The following PLXDC2 variants were observed in gnomAD, a reference collection of about 807,000 sequenced individuals.
The protein encoded by PLXDC2 is plexin domain-containing protein 2.
Under a neutral mutation model 68.9 loss-of-function variants are expected in PLXDC2, and 40 were observed. The observed-to-expected ratio is 0.58, with a 90% CI of 0.45 to 0.76. The LOEUF is 0.76. Ranked by LOEUF, PLXDC2 falls within the 30% of genes least tolerant of loss-of-function variation. The pLI is 0.00. For missense variants in PLXDC2, 644 were observed against 661.9 expected, an observed-to-expected ratio of 0.97 and a Z score of 0.30; for synonymous variants, 243 against 234.2, an observed-to-expected ratio of 1.04 and a Z score of -0.34.
intron 4 of PLXDC2, among the ~76,000 whole-genome samples, chr10:20,087,329 A>T (rs1469635444): frequency 6.6e-6 from 1 of 152,250 alleles, no homozygotes; most frequent in Non-Finnish European, 1.5e-5. Context: ...TTGAGGATCT[A>T]CCTGTAACTC....
Position 19,817,002 on chromosome 10 carries a change from G to T in PLXDC2, c.-78G>T, listed in dbSNP as rs1417670716. On this transcript the variant is annotated 5_prime_UTR_variant, in exon 1 of 14. Coordinates refer to ENST00000377252, the MANE Select transcript of PLXDC2 (RefSeq NM_032812.9). ...GAGACCGATCCGCAGCGTTTGGCCC[G>T]GTCGTGCCTATTGCATCGGGAGCCC... 2.8e-6 allele frequency: 3 copies of T among 1,080,626 alleles called. No individual in the cohort carries two copies. The highest frequency in any genetic ancestry group is 1.6e-5 in the African/African-American group (1 of 64,110). The allele number at this position is 1,080,626 out of a possible 1,614,324, so 66.9% of individuals were successfully genotyped here. A position where few individuals can be genotyped will look rare whatever the true frequency, so the allele number is the denominator to read the frequency against.
rs547357756 is a variant in PLXDC2, at chr10:20,119,327, G to A, written c.542-23968G>A. ...AGTCAGCGAAGGGAGATAGGGGTGG[G>A]GCCGTTTTATAAGATTTGGGTAGGT... On this transcript the variant is annotated intron_variant, in intron 4 of 13. Transcript: ENST00000377252. 1.6e-4 allele frequency among the ~76,000 whole-genome samples: 24 copies of A among 152,022 alleles called. No homozygotes were observed. In the South Asian group the frequency reaches 4.2e-3, roughly 26 times the overall value.
chr10:19,836,317 T>A (rs994484284), intron 1 of PLXDC2, among the ~76,000 whole-genome samples: 2 of 152,128 alleles, frequency 1.3e-5, no homozygotes, highest in Non-Finnish European at 2.9e-5. Flanking sequence ...AGACAATCAG[T>A]AGGTGCATAA....
chr10:19,856,398 A>T (rs1299498458), intron 1 of PLXDC2, among the ~76,000 whole-genome samples: 1 of 151,634 alleles, frequency 6.6e-6, no homozygotes, highest in Non-Finnish European at 1.5e-5. Flanking sequence ...ACACACACAC[A>T]CACACACACA....
At chr10:19,978,493 C>A (rs943978836) in intron 1 of PLXDC2, among the ~76,000 whole-genome samples, 1 of 152,060 alleles carries the variant, frequency 6.6e-6, no homozygotes, top group East Asian at 1.9e-4. Flanking sequence ...ATATTCTATA[C>A]AATCTTTTTT....
At chr10:19,983,315 T>C (rs1312236793) in intron 1 of PLXDC2, among the ~76,000 whole-genome samples, 2 of 152,220 alleles carry the variant, frequency 1.3e-5, no homozygotes, top group Admixed American at 1.3e-4. Flanking sequence ...GACATACTGT[T>C]AATCTTGCGA....
At chr10:19,885,308 G>C (rs1192741073) in intron 1 of PLXDC2, among the ~76,000 whole-genome samples, 1 of 150,224 alleles carries the variant, frequency 6.7e-6, no homozygotes, top group East Asian at 1.9e-4. Context: ...TAGGTTGCCT[G>C]TTCACTCTGA....
chr10:20,259,336 AG>A (rs1361860186), intron 13 of PLXDC2, among the ~76,000 whole-genome samples: 1 of 152,216 alleles, frequency 6.6e-6, no homozygotes, highest in East Asian at 1.9e-4. Context: ...AAATGCAAAA[AG>A]AGTCCTTGTC....
chr10:20,268,302 T>G (rs1835896167), intron 13 of PLXDC2, among the ~76,000 whole-genome samples: 1 of 152,158 alleles, frequency 6.6e-6, no homozygotes, highest in Admixed American at 6.5e-5. Flanking sequence ...CATACACCAT[T>G]TTGGATACTC....
At chr10:20,273,894 C>T (rs1019859589) in intron 13 of PLXDC2, among the ~76,000 whole-genome samples, 2 of 152,076 alleles carry the variant, frequency 1.3e-5, no homozygotes, top group African/African-American at 4.8e-5. Context: ...AAAATATTAG[C>T]TAGGAGTGGT....
intron 13 of PLXDC2, among the ~76,000 whole-genome samples, chr10:20,273,366 C>T (rs1342946629): frequency 6.6e-6 from 1 of 152,078 alleles, no homozygotes; most frequent in East Asian, 1.9e-4. Flanking sequence ...AATTTCCTTT[C>T]ATGATTATTA....
At chr10:20,028,590 C>T (rs191158897) in intron 2 of PLXDC2, among the ~76,000 whole-genome samples, 1 of 152,272 alleles carries the variant, frequency 6.6e-6, no homozygotes, top group East Asian at 1.9e-4. Context: ...ACATAAGTTA[C>T]TCTAAACCTT....
intron 1 of PLXDC2, among the ~76,000 whole-genome samples, chr10:19,853,738 G>A (rs577442735): frequency 2.6e-5 from 4 of 152,156 alleles, no homozygotes; most frequent in South Asian, 2.1e-4. Flanking sequence ...GAAAGGCCAC[G>A]GTTTCATAAG....
At chr10:19,918,571 G>A (rs1348961145) in intron 1 of PLXDC2, among the ~76,000 whole-genome samples, 4 of 152,160 alleles carry the variant, frequency 2.6e-5, no homozygotes, top group African/African-American at 9.7e-5. Context: ...GAAATAAAGT[G>A]TTCAACTATG....
At chr10:20,189,833 T>C (rs1199319553) in intron 9 of PLXDC2, among the ~76,000 whole-genome samples, 1 of 151,718 alleles carries the variant, frequency 6.6e-6, no homozygotes, top group East Asian at 1.9e-4. Context: ...TTTTGGTCTC[T>C]GTCTTCTTTT....
At chr10:20,108,617 G>A (rs758256047) in intron 4 of PLXDC2, among the ~76,000 whole-genome samples, 6 of 152,042 alleles carry the variant, frequency 3.9e-5, no homozygotes, top group African/African-American at 7.2e-5. Context: ...ATAACACTTC[G>A]CCAGTACTTG....
At chr10:19,904,977 C>A (rs1833124696) in intron 1 of PLXDC2, among the ~76,000 whole-genome samples, 1 of 152,226 alleles carries the variant, frequency 6.6e-6, no homozygotes, top group South Asian at 2.1e-4. Context: ...ACAATGTGTG[C>A]TAGCCTTTTA....
Position 19,820,994 on chromosome 10 carries a change from C to G in PLXDC2, c.112+3803C>G, listed in dbSNP as rs545021671. Among the ~76,000 whole-genome samples the G allele has an allele frequency of 1.6e-4, 25 of 152,248 alleles. No homozygotes were observed. The South Asian group carries it at 4.8e-3, about 29-fold the overall frequency. On this transcript the variant is annotated intron_variant, in intron 1 of 13. Coordinates refer to ENST00000377252, the MANE Select transcript of PLXDC2 (RefSeq NM_032812.9). ...ACTTGGGAGGATGAGGCAGGAGAAT[C>G]ACTTGAACCCAGGAGGCGGAGATAG...
chr10:20,085,715 T>C (rs2131725570), intron 4 of PLXDC2, among the ~76,000 whole-genome samples: 1 of 152,294 alleles, frequency 6.6e-6, no homozygotes, highest in South Asian at 2.1e-4. Context: ...CTTCTGACAC[T>C]TGGACCCAGG....
Sources: gnomAD v4.1 joint callset for allele counts (sites outside exome capture counted in the v4.1 genomes callset) on GRCh38, gnomAD v4.1.1 for gene constraint, MANE v1.5 for transcripts, NCBI Gene and HGNC (gene_info 2026-07-23, HGNC 2026-07-21) for gene names.